ROBO2: variants seen among roughly 807,000 people sequenced by gnomAD.
The protein encoded by ROBO2 is roundabout homolog 2.
ROBO2 carries 53 observed loss-of-function variants against 160.8 expected under a neutral mutation model. That is an observed-to-expected ratio of 0.33 (90% confidence interval 0.26 to 0.41). The LOEUF (loss-of-function observed/expected upper bound fraction) is 0.41. ROBO2 is among the 10% of genes least tolerant of loss of function. The pLI is 1.00. For synonymous variants in ROBO2, 664 were observed against 611.7 expected (o/e 1.09, Z -1.26); for missense variants, 1,577 against 1,722.4 (o/e 0.92, Z 1.49).
chr3:76,274,480 A>T (rs1371243303), intron 2 of ROBO2, among the ~76,000 whole-genome samples: 1 of 152,174 alleles, frequency 6.6e-6, no homozygotes, highest in Admixed American at 6.6e-5. Flanking sequence ...TGAATCTGAT[A>T]TATGATTTGC....
intron 2 of ROBO2, among the ~76,000 whole-genome samples, chr3:76,576,410 G>A (rs569056560): frequency 1.2e-4 from 19 of 152,062 alleles, no homozygotes; most frequent in African/African-American, 2.4e-4. Flanking sequence ...GAATGCAACC[G>A]TCTTGAGACT....
At chr3:76,103,333 A>G (rs768643003) in intron 2 of ROBO2, among the ~76,000 whole-genome samples, 6 of 152,136 alleles carry the variant, frequency 3.9e-5, no homozygotes, top group Non-Finnish European at 8.8e-5. Context: ...AGAAGATAGG[A>G]GCTGTTTCTT....
chr3:76,704,767 A>G (rs2093124331), intron 2 of ROBO2, among the ~76,000 whole-genome samples: 1 of 152,106 alleles, frequency 6.6e-6, no homozygotes, highest in South Asian at 2.1e-4. Context: ...TCTTGCAGAA[A>G]GGTGCCAAAA....
At chr3:76,388,428 C>T (rs1171140073) in intron 2 of ROBO2, among the ~76,000 whole-genome samples, 1 of 152,012 alleles carries the variant, frequency 6.6e-6, no homozygotes, top group Non-Finnish European at 1.5e-5. Flanking sequence ...CCCGCCGCCA[C>T]GCCCGGCTAA....
intron 2 of ROBO2, among the ~76,000 whole-genome samples, chr3:76,814,239 G>A (rs1204484538): frequency 6.6e-6 from 1 of 152,138 alleles, no homozygotes; most frequent in Non-Finnish European, 1.5e-5. Context: ...GCAAATGCTA[G>A]ATGGATATGG....
chr3:76,122,710 AATGTATTT>A (rs1475131779), intron 2 of ROBO2, among the ~76,000 whole-genome samples: 1 of 152,060 alleles, frequency 6.6e-6, no homozygotes, highest in Non-Finnish European at 1.5e-5. Context: ...TACACAGACT[AATGTATTT>A]ATCTGTTTCT....
At chr3:76,225,323 A>T (rs960409204) in intron 2 of ROBO2, among the ~76,000 whole-genome samples, 1 of 152,178 alleles carries the variant, frequency 6.6e-6, no homozygotes, top group African/African-American at 2.4e-5. Context: ...GCCCATTGCA[A>T]AATATGTGTG....
chr3:76,218,385 A>C (rs1277681389), intron 2 of ROBO2, among the ~76,000 whole-genome samples: 1 of 152,198 alleles, frequency 6.6e-6, no homozygotes, highest in African/African-American at 2.4e-5. Context: ...CCCTGTTTGC[A>C]GATGAAGTGA....
chr3:77,478,636 A>G (rs1459749687), intron 3 of ROBO2, among the ~76,000 whole-genome samples: 5 of 152,224 alleles, frequency 3.3e-5, no homozygotes, highest in Non-Finnish European at 7.3e-5. Flanking sequence ...TATAATTTTT[A>G]TATTCAATAC....
At chr3:76,016,367 C>G (rs2066404909) in intron 2 of ROBO2, among the ~76,000 whole-genome samples, 1 of 150,934 alleles carries the variant, frequency 6.6e-6, no homozygotes. Context: ...AATAATGAAT[C>G]TATTCATGAA....
intron 2 of ROBO2, among the ~76,000 whole-genome samples, chr3:76,059,684 G>T (rs568420573): frequency 1.3e-5 from 2 of 152,246 alleles, no homozygotes; most frequent in South Asian, 2.1e-4. Context: ...TTTGGCTTTT[G>T]TTGCCATTGC....
chr3:75,960,647 A>G (rs1948877219), intron 2 of ROBO2, among the ~76,000 whole-genome samples: 1 of 151,846 alleles, frequency 6.6e-6, no homozygotes, highest in Non-Finnish European at 1.5e-5. Flanking sequence ...TTCTGTTTTC[A>G]AAAAGAATTG....
chr3:76,262,676 G>A (rs902925298), intron 2 of ROBO2, among the ~76,000 whole-genome samples: 1 of 152,020 alleles, frequency 6.6e-6, no homozygotes, highest in Non-Finnish European at 1.5e-5. Flanking sequence ...AGACAAATTG[G>A]GAAAAAGTAT....
intron 2 of ROBO2, among the ~76,000 whole-genome samples, chr3:76,113,202 A>G (rs1195213405): frequency 6.6e-6 from 1 of 152,168 alleles, no homozygotes; most frequent in Non-Finnish European, 1.5e-5. Flanking sequence ...ATTCTTCATT[A>G]TATCTAAAAA....
chr3:77,641,961 G>A (rs2095356498), intron 24 of ROBO2, among the ~76,000 whole-genome samples: 1 of 152,046 alleles, frequency 6.6e-6, no homozygotes, highest in Admixed American at 6.6e-5. Flanking sequence ...TTTCTGTGAG[G>A]CATTGTCTTC....
chr3:76,165,197 T>C (rs1037018724), intron 2 of ROBO2, among the ~76,000 whole-genome samples: 3 of 152,178 alleles, frequency 2.0e-5, no homozygotes, highest in East Asian at 3.9e-4. Flanking sequence ...TGTTGTTTAG[T>C]GTGAACATCT....
intron 2 of ROBO2, among the ~76,000 whole-genome samples, chr3:76,738,363 C>A (rs1402492373): frequency 6.6e-6 from 1 of 152,094 alleles, no homozygotes; most frequent in African/African-American, 2.4e-5. Context: ...GGCTTCTCAA[C>A]GTCAGCACTG....
chr3:77,546,288 T>A, intron 6 of ROBO2, 50 bp from the exon 8 acceptor site: 1 of 1,601,370 alleles, frequency 6.2e-7, no homozygotes, highest in Non-Finnish European at 8.6e-7. Flanking sequence ...GACATATTTT[T>A]ATTTGTCTAT....
intron 2 of ROBO2, among the ~76,000 whole-genome samples, chr3:76,220,505 C>T (rs2107401014): frequency 6.6e-6 from 1 of 152,150 alleles, no homozygotes; most frequent in Admixed American, 6.5e-5. Flanking sequence ...TGCCCTTCCG[C>T]CTTGTGACGA....
Sources: allele counts gnomAD v4.1 joint callset (sites outside exome capture counted in the v4.1 genomes callset), GRCh38; gene constraint gnomAD v4.1.1; transcripts MANE v1.5; gene names NCBI Gene and HGNC (gene_info 2026-07-23, HGNC 2026-07-21).